Variants in RRAGB observed in about 807,000 individuals in gnomAD.
The protein encoded by RRAGB is ras-related GTP-binding protein B.
In RRAGB, 6 loss-of-function variants were observed where a neutral mutation model predicts 29.3. The observed-to-expected ratio is 0.21, with a 90% CI of 0.11 to 0.40. The LOEUF is 0.40. Ranked by LOEUF, RRAGB falls within the 10% of genes least tolerant of loss-of-function variation. The pLI is 1.00. For synonymous variants in RRAGB, 101 were observed against 92.5 expected (o/e 1.09, Z -0.53); for missense variants, 184 against 272.9 (o/e 0.67, Z 2.29).
At chrX:55,750,467 CATT>C (rs1215814468) in intron 5 of RRAGB, among the ~76,000 whole-genome samples, 3 of 111,146 alleles carry the variant, frequency 2.7e-5, no homozygotes, top group African/African-American at 9.8e-5. Flanking sequence ...GGCCCACCCA[CATT>C]ATACAGAATA....
At chrX:55,751,395 T>C (rs2034523818) in intron 6 of RRAGB, 199 bp downstream of exon 6, 1 of 345,250 alleles carries the variant, frequency 2.9e-6, no homozygotes, top group African/African-American at 2.6e-5. Context: ...TTATATTGGG[T>C]TGACATAGCT....
intron 7 of RRAGB, 78 bp downstream of exon 7, chrX:55,753,592 A>G: frequency 1.0e-6 from 1 of 957,753 alleles, no homozygotes; most frequent in Non-Finnish European, 1.4e-6. Flanking sequence ...GCATGTCACT[A>G]CTTTCAGGAA....
At chrX:55,743,276 C>T (rs960581407) in intron 5 of RRAGB, among the ~76,000 whole-genome samples, 13 of 112,350 alleles carry the variant, frequency 1.2e-4, no homozygotes, top group Admixed American at 8.4e-4. Flanking sequence ...GCAGGGAAGG[C>T]AAATCCATAT....
At chrX:55,729,524 G>A (rs2033600320) in intron 4 of RRAGB, among the ~76,000 whole-genome samples, 164 bp downstream of exon 4, 1 of 111,065 alleles carries the variant, frequency 9.0e-6, no homozygotes, top group Non-Finnish European at 1.9e-5. Context: ...GACTTTTATG[G>A]AATTGTGAAA....
At position 55,717,811 on chromosome X, in the gene RRAGB, G is replaced by A. The variant is rs2033102070; in HGVS notation, c.-517G>A. 1 of 113,303 alleles carries A rather than the reference G, an allele frequency of 8.8e-6. No individual in the cohort carries two copies. The highest frequency in any genetic ancestry group is 9.2e-5 in the Admixed American group (1 of 10,849). The allele number at this position is 113,303 out of a possible 1,213,427, so 9.3% of individuals were successfully genotyped here. On this transcript the variant is annotated 5_prime_UTR_variant, in exon 1 of 10. Coordinates refer to ENST00000374941, the MANE Select transcript of RRAGB (RefSeq NM_006064.5). ...GCGGTGAGATACCTGGGTTCCTGAA[G>A]GGCGGGTGGTTAGGTCGTAACTACT...
At chrX:55,731,835 T>G (rs2033691301) in intron 5 of RRAGB, 1 of 287,103 alleles carries the variant, frequency 3.5e-6, no homozygotes, top group Admixed American at 5.8e-5. Context: ...TAAGCAGCAT[T>G]TATTTATTTT....
intron 5 of RRAGB, 121 bp downstream of exon 5, chrX:55,731,707 G>A (rs1159980330): frequency 1.1e-5 from 5 of 460,898 alleles, no homozygotes; most frequent in Non-Finnish European, 1.8e-5. Flanking sequence ...AGTTTTGAAA[G>A]TAAAGTTTTG....
chrX:55,730,855 A>G (rs1315097323), intron 4 of RRAGB, among the ~76,000 whole-genome samples: 1 of 110,950 alleles, frequency 9.0e-6, no homozygotes, highest in Non-Finnish European at 1.9e-5. Context: ...GTATTGATAT[A>G]AGAGCCTATG....
At chrX:55,722,336 T>A in intron 3 of RRAGB, 51 bp downstream of exon 3, 1 of 835,327 alleles carries the variant, frequency 1.2e-6, no homozygotes, top group Non-Finnish European at 1.8e-6. Context: ...CTATTAATAA[T>A]CTGCATAACA....
rs976372623 is a variant in RRAGB, at chrX:55,718,113, G to T, written c.-215G>T. ...ACTTGGCCTTAAAGCTAGCCAGCTC[G>T]GCCGTGCCTTGAGGCCAGGTTCGAG... On this transcript the variant is annotated 5_prime_UTR_variant, in exon 1 of 10. Transcript: ENST00000374941. The T allele has an allele frequency of 1.0e-5, 3 of 298,126 alleles. No individual in the cohort carries two copies. The highest frequency in any genetic ancestry group is 1.6e-4 in the South Asian group (1 of 6,272). The allele number at this position is 298,126 out of a possible 1,213,427, so 24.6% of individuals were successfully genotyped here.
rs757100630 is a variant in RRAGB at position 55,731,360 on chromosome X, T to C, written c.294-4T>C. ...GCTTACTATATATATATTTTTTCTA[T>C]CAGGCAAGACACCTTCATGGAAAAT... On this transcript the variant is annotated splice_region_variant and splice_polypyrimidine_tract_variant and intron_variant, in intron 4 of 9. Transcript: ENST00000374941. 5 of 1,186,949 alleles carry C rather than the reference T, an allele frequency of 4.2e-6. No individual in the cohort carries two copies. Among genetic ancestry groups the C allele is most frequent in the Admixed American group, 2.2e-5 (1 of 45,414 alleles).
At chrX:55,730,854 T>A (rs181928304) in intron 4 of RRAGB, among the ~76,000 whole-genome samples, 1 of 110,849 alleles carries the variant, frequency 9.0e-6, no homozygotes, top group African/African-American at 3.3e-5. Flanking sequence ...TGTATTGATA[T>A]AAGAGCCTAT....
intron 3 of RRAGB, among the ~76,000 whole-genome samples, chrX:55,727,972 G>A (rs919372590): frequency 2.7e-5 from 3 of 110,663 alleles, no homozygotes; most frequent in African/African-American, 9.9e-5. Flanking sequence ...TTTAGAGGAG[G>A]TGGGATTTAG....
chrX:55,753,213 C>T (rs2034569015), intron 6 of RRAGB, among the ~76,000 whole-genome samples, 179 bp from the exon 7 acceptor site: 1 of 112,578 alleles, frequency 8.9e-6, no homozygotes, highest in East Asian at 2.8e-4. Flanking sequence ...GGGTAAAAAT[C>T]AGATGCTAGC....
chrX:55,731,240 G>A (rs2033668511), intron 4 of RRAGB, 124 bp from the exon 5 acceptor site: 2 of 517,537 alleles, frequency 3.9e-6, no homozygotes, highest in Non-Finnish European at 6.3e-6. Context: ...TATTTGTTAT[G>A]ATTTGCCCTT....
At chrX:55,742,186 A>G (rs1335867648) in intron 5 of RRAGB, among the ~76,000 whole-genome samples, 3 of 112,786 alleles carry the variant, frequency 2.7e-5, no homozygotes, top group African/African-American at 9.7e-5. Flanking sequence ...ATACATATAT[A>G]CATATTCATA....
Position 55,737,937 on chromosome X carries a change from G to A in RRAGB, c.516+6351G>A, listed in dbSNP as rs140044625. On this transcript the variant is annotated intron_variant, in intron 5 of 9. Transcript: ENST00000374941. ...AGGGACCTTGTGCGAGCAAGGTAATGCCCTTGAGGAGTCCCTAAATCGCAG... is the reference window on the plus strand; with the variant it reads ...AGGGACCTTGTGCGAGCAAGGTAATACCCTTGAGGAGTCCCTAAATCGCAG... 8.3e-3 allele frequency among the ~76,000 whole-genome samples: 934 copies of A among 112,409 alleles called. 6 individuals carry two copies. Among genetic ancestry groups the A allele is most frequent in the African/African-American group, 0.029 (895 of 30,942 alleles).
At chrX:55,751,218 C>T in intron 6 of RRAGB, 22 bp downstream of exon 6, 1 of 897,541 alleles carries the variant, frequency 1.1e-6, no homozygotes, top group Non-Finnish European at 1.6e-6. Context: ...TCCCTGAGTT[C>T]CCTCATTTTA....
intron 6 of RRAGB, among the ~76,000 whole-genome samples, chrX:55,752,535 A>C (rs1248588244): frequency 8.9e-6 from 1 of 112,027 alleles, no homozygotes; most frequent in Admixed American, 9.5e-5. Context: ...AGCTAACTTA[A>C]ATTTTTATAT....
Sources: gnomAD v4.1 joint callset for allele counts (sites outside exome capture counted in the v4.1 genomes callset) on GRCh38, gnomAD v4.1.1 for gene constraint, MANE v1.5 for transcripts, NCBI Gene and HGNC (gene_info 2026-07-23, HGNC 2026-07-21) for gene names.